The following WIPF1 variants were observed in gnomAD, a reference collection of about 807,000 sequenced individuals.
WIPF1 encodes WAS/WASL-interacting protein family member 1.
WIPF1 carries 13 observed loss-of-function variants against 35.4 expected under a neutral mutation model. The observed-to-expected ratio is 0.37, with a 90% CI of 0.24 to 0.58. WIPF1 has a LOEUF of 0.58. Among genes scored for constraint, WIPF1 ranks in the 20% least tolerant of loss-of-function variants. The probability of loss-of-function intolerance (pLI) is 0.74; values close to 1 mark genes in which losing one functional copy is unlikely to be tolerated. For synonymous variants in WIPF1, 267 were observed against 266.3 expected, an observed-to-expected ratio of 1.00 and a Z score of -0.02; for missense variants, 591 against 667.0, an observed-to-expected ratio of 0.89 and a Z score of 1.25.
intron 1 of WIPF1, among the ~76,000 whole-genome samples, chr2:174,635,892 A>T (rs559761456): frequency 2.0e-5 from 3 of 152,328 alleles, no homozygotes; most frequent in Non-Finnish European, 2.9e-5. Flanking sequence ...AGAACTGTGG[A>T]CAACAGTAAA....
upstream of WIPF1, among the ~76,000 whole-genome samples, chr2:174,602,568 T>C (rs1206475650): frequency 6.6e-6 from 1 of 152,188 alleles, no homozygotes; most frequent in Admixed American, 6.5e-5. Context: ...AGATTAAAGA[T>C]ATGCATTAGT....
chr2:174,628,142 G>A (rs143249332), intron 1 of WIPF1, among the ~76,000 whole-genome samples: 30 of 152,164 alleles, frequency 2.0e-4, no homozygotes, highest in South Asian at 8.3e-4. Flanking sequence ...TGGGCACCCC[G>A]GAATCTACAA....
chr2:174,670,311 C>G (rs1225195333), intron 1 of WIPF1, among the ~76,000 whole-genome samples: 1 of 152,214 alleles, frequency 6.6e-6, no homozygotes, highest in East Asian at 1.9e-4. Flanking sequence ...TTTCCTCTCC[C>G]TGTCTGTGTT....
chr2:174,582,575 C>T (rs1022984667), intron 2 of WIPF1, among the ~76,000 whole-genome samples: 3 of 152,194 alleles, frequency 2.0e-5, no homozygotes, highest in Non-Finnish European at 4.4e-5. Context: ...GAGACAGAGT[C>T]TCATTATGTT....
At chr2:174,585,864 A>G (rs567426294) in intron 1 of WIPF1, among the ~76,000 whole-genome samples, 9 of 152,278 alleles carry the variant, frequency 5.9e-5, no homozygotes, top group Admixed American at 3.3e-4. Flanking sequence ...CCCACCCACT[A>G]CAGTAGGCCA....
chr2:174,567,855 C>T lies in WIPF1; in HGVS notation c.1342+6G>A. ...TATAGCCCAGGGAGCTGGGACCACA[C>T]CTCACCTTCACATGGAGAGTCTTGG... On this transcript the variant is annotated splice_donor_region_variant and intron_variant, in intron 6 of 7. Transcript: ENST00000679041. The T allele has an allele frequency of 6.4e-7, 1 of 1,571,234 alleles. No individual in the cohort carries two copies. Among genetic ancestry groups the T allele is most frequent in the Admixed American group, 1.8e-5 (1 of 54,638 alleles).
chr2:174,563,896 G>C (rs918045887), intron 7 of WIPF1, among the ~76,000 whole-genome samples: 1 of 152,222 alleles, frequency 6.6e-6, no homozygotes, highest in Non-Finnish European at 1.5e-5. Flanking sequence ...AAGGAAGGGA[G>C]TTAGGAGAAA....
At chr2:174,565,455 T>C (rs965539891) in intron 7 of WIPF1, among the ~76,000 whole-genome samples, 8 of 152,194 alleles carry the variant, frequency 5.3e-5, no homozygotes, top group South Asian at 2.1e-4. Flanking sequence ...TTTAACCCAA[T>C]AGAAATTCAA....
intron 1 of WIPF1, among the ~76,000 whole-genome samples, chr2:174,632,187 A>G (rs1033613764): frequency 6.6e-6 from 1 of 152,194 alleles, no homozygotes; most frequent in South Asian, 2.1e-4. Flanking sequence ...TCTACCACCC[A>G]ACAGGATCTG....
chr2:174,599,922 G>A (rs990331877), upstream of WIPF1, among the ~76,000 whole-genome samples: 3 of 152,114 alleles, frequency 2.0e-5, no homozygotes, highest in Non-Finnish European at 4.4e-5. Context: ...CTGGTTTTGT[G>A]GAAGATAATT....
intron 7 of WIPF1, among the ~76,000 whole-genome samples, chr2:174,565,689 A>AGTG (rs1477933529): frequency 6.6e-6 from 1 of 152,152 alleles, no homozygotes. Context: ...GTAGGCTTTG[A>AGTG]GTACATGTAA....
At chr2:174,665,570 A>G (rs906620247) in intron 1 of WIPF1, 1 of 152,256 alleles carries the variant, frequency 6.6e-6, no homozygotes, top group Non-Finnish European at 1.5e-5. Flanking sequence ...AGTATTTTTC[A>G]AAATGCAAAT....
Position 174,560,575 on chromosome 2 carries a change from A to C in WIPF1, c.*1972T>G, listed in dbSNP as rs551787602. The C allele has an allele frequency of 6.5e-6, 1 of 152,764 alleles. No homozygotes were observed. Among genetic ancestry groups the C allele is most frequent in the African/African-American group, 2.4e-5 (1 of 41,598 alleles). 9.5% of individuals were successfully genotyped at this position (152,764 alleles called of 1,614,324 possible). On this transcript the variant is annotated 3_prime_UTR_variant, in exon 8 of 8. Coordinates refer to ENST00000679041, the MANE Select transcript of WIPF1 (RefSeq NM_001375834.1). ...ATTACCAAACTGCTAGAGATTAAAA[A>C]AATTTTTTTTTAAAAAGCCAACACT...
chr2:174,591,032 T>C (rs1244819689), intron 1 of WIPF1, among the ~76,000 whole-genome samples: 1 of 152,184 alleles, frequency 6.6e-6, no homozygotes. Flanking sequence ...AAAGAGGTGA[T>C]TAAGCTAAAA....
intron 1 of WIPF1, among the ~76,000 whole-genome samples, chr2:174,616,202 C>T (rs1377948373): frequency 6.6e-6 from 1 of 152,144 alleles, no homozygotes; most frequent in Non-Finnish European, 1.5e-5. Context: ...ACCAGTTTAC[C>T]TTGGCCATGG....
intron 1 of WIPF1, among the ~76,000 whole-genome samples, chr2:174,603,547 C>T (rs1686069460): frequency 6.6e-6 from 1 of 152,204 alleles, no homozygotes; most frequent in Non-Finnish European, 1.5e-5. Context: ...CATGGTACAC[C>T]ATTAATGGAT....
At position 174,581,523 on chromosome 2, in the gene WIPF1, G is replaced by A. The variant is rs541799639; in HGVS notation, c.52-84C>T. On this transcript the variant is annotated intron_variant, in intron 2 of 7. Transcript: ENST00000679041. ...CACTCGGCTGGGAAAGGTTGGGTAC[G>A]GGAAGCTTGTTGTTAAGGTTCTTGG... is the stretch of plus-strand genomic sequence containing the variant. The A allele has an allele frequency of 1.8e-4, 275 of 1,541,374 alleles. 3 individuals are homozygous for A. In the South Asian group the frequency reaches 2.8e-3, roughly 16 times the overall value.
At chr2:174,577,047 T>C in intron 3 of WIPF1, among the ~76,000 whole-genome samples, 1 of 152,194 alleles carries the variant, frequency 6.6e-6, no homozygotes, top group Non-Finnish European at 1.5e-5. Context: ...TTTGGCAAAG[T>C]TTTTTAGTTT....
intron 1 of WIPF1, chr2:174,665,199 C>T (rs1371544788): frequency 2.0e-5 from 3 of 152,186 alleles, no homozygotes; most frequent in Non-Finnish European, 4.4e-5. Context: ...GAAGGGGCCT[C>T]AGGTTACCTG....
Sources: allele counts gnomAD v4.1 joint callset (sites outside exome capture counted in the v4.1 genomes callset), GRCh38; gene constraint gnomAD v4.1.1; transcripts MANE v1.5; gene names NCBI Gene and HGNC (gene_info 2026-07-23, HGNC 2026-07-21).